The following TPST1 variants were observed in gnomAD, a reference collection of about 807,000 sequenced individuals.
TPST1 encodes tyrosylprotein sulfotransferase 1.
In TPST1, 20 loss-of-function variants were observed where a neutral mutation model predicts 34.8. The ratio of observed to expected loss-of-function variants is 0.57; its 90% CI spans 0.40 to 0.84. The LOEUF (loss-of-function observed/expected upper bound fraction) is 0.84. TPST1 is among the 40% of genes least tolerant of loss of function. The pLI, the probability that TPST1 is intolerant of heterozygous loss-of-function variation, is 0.00. For synonymous variants in TPST1, 152 were observed against 159.4 expected, an observed-to-expected ratio of 0.95 and a Z score of 0.35; for missense variants, 353 against 455.5, an observed-to-expected ratio of 0.78 and a Z score of 2.05.
chr7:66,212,395 A>G (rs534521797), intron 1 of TPST1, among the ~76,000 whole-genome samples: 1 of 152,282 alleles, frequency 6.6e-6, no homozygotes, highest in South Asian at 2.1e-4. Flanking sequence ...CCATGTATTT[A>G]AGCACTGTTG....
intron 2 of TPST1, among the ~76,000 whole-genome samples, chr7:66,278,905 A>T (rs952642977): frequency 6.6e-6 from 1 of 152,212 alleles, no homozygotes; most frequent in African/African-American, 2.4e-5. Context: ...CTAAACATAC[A>T]TATAACATGC....
At chr7:66,270,224 C>CCA (rs996162400) in intron 2 of TPST1, among the ~76,000 whole-genome samples, 13 of 152,250 alleles carry the variant, frequency 8.5e-5, no homozygotes, top group African/African-American at 3.1e-4. Context: ...GTCAATAGGA[C>CCA]TGGAGTAGAG....
intron 3 of TPST1, among the ~76,000 whole-genome samples, chr7:66,296,438 G>A (rs886293271): frequency 1.3e-5 from 2 of 152,004 alleles, no homozygotes; most frequent in African/African-American, 4.8e-5. Context: ...TATCTTCAAA[G>A]CTTTTTTGCC....
At chr7:66,241,768 C>T (rs542658187) in intron 2 of TPST1, among the ~76,000 whole-genome samples, 10 of 152,278 alleles carry the variant, frequency 6.6e-5, no homozygotes, top group African/African-American at 2.4e-4. Context: ...ATAAAAGCTT[C>T]GTCTAACCTA....
intron 2 of TPST1, among the ~76,000 whole-genome samples, chr7:66,270,781 T>G (rs1319162508): frequency 1.3e-5 from 2 of 152,234 alleles, no homozygotes; most frequent in Non-Finnish European, 2.9e-5. Flanking sequence ...AGAGGCTTAA[T>G]CACACTCAAG....
chr7:66,269,594 C>T (rs1419416813), intron 2 of TPST1, among the ~76,000 whole-genome samples: 2 of 109,342 alleles, frequency 1.8e-5, no homozygotes, highest in Admixed American at 1.8e-4. Flanking sequence ...AAAACACTAC[C>T]TAGATATAGT....
At chr7:66,301,677 A>G (rs1791320904) in intron 3 of TPST1, among the ~76,000 whole-genome samples, 1 of 152,114 alleles carries the variant, frequency 6.6e-6, no homozygotes, top group African/African-American at 2.4e-5. Context: ...GAGATGGGGG[A>G]ACAAACAGCC....
At chr7:66,264,723 A>C (rs1048363449) in intron 2 of TPST1, among the ~76,000 whole-genome samples, 9 of 152,222 alleles carry the variant, frequency 5.9e-5, no homozygotes, top group African/African-American at 2.2e-4. Flanking sequence ...CCACATTATA[A>C]GATTTAAAAT....
chr7:66,235,589 T>C (rs529171136), intron 1 of TPST1, among the ~76,000 whole-genome samples: 1 of 152,240 alleles, frequency 6.6e-6, no homozygotes, highest in Non-Finnish European at 1.5e-5. Context: ...AAAGCTGTAT[T>C]GAAGTGTAAT....
intron 1 of TPST1, among the ~76,000 whole-genome samples, chr7:66,217,286 G>A (rs578079470): frequency 6.8e-4 from 103 of 152,286 alleles, no homozygotes; most frequent in Non-Finnish European, 1.4e-3. Context: ...AAGTGGGATA[G>A]TGAGGCCTCC....
intron 1 of TPST1, among the ~76,000 whole-genome samples, chr7:66,227,410 T>C (rs939794733): frequency 6.6e-6 from 1 of 151,958 alleles, no homozygotes; most frequent in Non-Finnish European, 1.5e-5. Context: ...TTTTGTTTAA[T>C]TAATTAATTA....
At chr7:66,347,030 T>G (rs555301712) in intron 3 of TPST1, among the ~76,000 whole-genome samples, 39 of 151,002 alleles carry the variant, frequency 2.6e-4, no homozygotes, top group Non-Finnish European at 4.6e-4. Context: ...GTCTAGTTTC[T>G]TTCTTTCTTC....
chr7:66,258,325 T>C (rs1436840916), intron 2 of TPST1, among the ~76,000 whole-genome samples: 1 of 152,234 alleles, frequency 6.6e-6, no homozygotes, highest in Non-Finnish European at 1.5e-5. Flanking sequence ...ACTGTCAGGC[T>C]GGTTAGGTTC....
chr7:66,199,032 C>A, the TPST1 span, among the ~76,000 whole-genome samples: 1 of 152,134 alleles, frequency 6.6e-6, no homozygotes, highest in Non-Finnish European at 1.5e-5. Flanking sequence ...GCTTAACTCT[C>A]AGTTCTCCGT....
intron 1 of TPST1, among the ~76,000 whole-genome samples, chr7:66,224,581 A>AGTGT (rs1789609369): frequency 6.6e-6 from 1 of 152,044 alleles, no homozygotes; most frequent in Admixed American, 6.5e-5. Context: ...TGTGCTCTTG[A>AGTGT]GTGTGTGTAC....
intron 2 of TPST1, among the ~76,000 whole-genome samples, chr7:66,283,383 G>A (rs1790971911): frequency 6.6e-6 from 1 of 152,204 alleles, no homozygotes; most frequent in Non-Finnish European, 1.5e-5. Flanking sequence ...TTAGGATACA[G>A]TCCTACATCA....
At position 66,240,823 on chromosome 7, in the gene TPST1, T is replaced by C; in HGVS notation, c.398T>C (p.Val133Ala). Reference protein sequence around the residue: ...RLDEAGVTDEVLDSAMQAFLL... With the variant: ...RLDEAGVTDEALDSAMQAFLL... ...GATGAGGCTGGTGTTACTGATGAAG[T>C]GCTGGATTCTGCCATGCAAGCCTTC... Residue 133 changes from valine to alanine, a missense_variant, in exon 2 of 6, where the codon GTG becomes GCG. Transcript: ENST00000304842. 1 of 1,614,222 alleles carries C rather than the reference T, an allele frequency of 6.2e-7. No homozygotes were observed. The highest frequency in any genetic ancestry group is 8.5e-7 in the Non-Finnish European group (1 of 1,180,036).
At chr7:66,246,790 C>T (rs1790158978) in intron 2 of TPST1, among the ~76,000 whole-genome samples, 1 of 152,232 alleles carries the variant, frequency 6.6e-6, no homozygotes, top group Admixed American at 6.5e-5. Context: ...ATTTCATCTA[C>T]ATTCTAAGCA....
chr7:66,239,892 G>A (rs922009084), intron 1 of TPST1, among the ~76,000 whole-genome samples: 13 of 151,634 alleles, frequency 8.6e-5, no homozygotes, highest in Non-Finnish European at 1.8e-4. Context: ...GTTTTGTTTT[G>A]TTTTTTTGAG....
Sources: allele counts gnomAD v4.1 joint callset (sites outside exome capture counted in the v4.1 genomes callset), GRCh38; gene constraint gnomAD v4.1.1; transcripts MANE v1.5; gene names NCBI Gene and HGNC (gene_info 2026-07-23, HGNC 2026-07-21).